MST1R: variants seen among roughly 807,000 people sequenced by gnomAD.
MST1R encodes the protein macrophage-stimulating protein receptor.
A neutral mutation model predicts 117.8 loss-of-function variants in MST1R; 99 were observed. That is an observed-to-expected ratio of 0.84 (90% CI 0.71 to 0.99). The LOEUF is 0.99. Ranked by LOEUF, MST1R falls within the 50% of genes least tolerant of loss-of-function variation. MST1R has a pLI of 0.00. For missense variants in MST1R, 1,683 were observed against 1,840.2 expected, an observed-to-expected ratio of 0.91 and a Z score of 1.56; for synonymous variants, 734 against 765.3, an observed-to-expected ratio of 0.96 and a Z score of 0.68.
intron 17 of MST1R, 145 bp from the exon 18 acceptor site, chr3:49,890,795 C>G (rs548770595): frequency 1.3e-6 from 1 of 764,804 alleles, no homozygotes; most frequent in Non-Finnish European, 2.0e-6. Flanking sequence ...GCGCGATCTC[C>G]GCTCACTGCA....
At chr3:49,888,619 T>A (rs1041524597) in intron 19 of MST1R, among the ~76,000 whole-genome samples, 7 of 139,468 alleles carry the variant, frequency 5.0e-5, no homozygotes, top group Admixed American at 2.1e-4. Context: ...AAAAAAAAAA[T>A]TCTGAAGCAA....
At chr3:49,890,341 T>C in intron 18 of MST1R, 144 bp downstream of exon 18, 2 of 948,254 alleles carry the variant, frequency 2.1e-6, no homozygotes, top group Non-Finnish European at 3.1e-6. Flanking sequence ...CCATCTTACA[T>C]CTGCCCAAGA....
At chr3:49,888,618 A>AG (rs11376830) in intron 19 of MST1R, among the ~76,000 whole-genome samples, 1 of 151,356 alleles carries the variant, frequency 6.6e-6, no homozygotes, top group Non-Finnish European at 1.5e-5. Context: ...AAAAAAAAAA[A>AG]TTCTGAAGCA....
intron 19 of MST1R, among the ~76,000 whole-genome samples, chr3:49,888,041 C>A (rs947003421): frequency 6.6e-6 from 1 of 152,238 alleles, no homozygotes; most frequent in Non-Finnish European, 1.5e-5. Context: ...TGCCTGTAAT[C>A]CCAGCACTTT....
rs1553626160 is a variant in MST1R at position 49,897,388 on chromosome 3, A to G, written c.2075T>C (p.Leu692Pro). The stretch of plus-strand genomic sequence containing the variant: ...GGTGCCTCCTGCCCGTGGGCCAAAG[A>G]GGGGTTGCACTGCTATCAGCACTGG... Reference protein sequence around the residue: ...MEPVLIAVQPLFGPRAGGTCL... With the variant: ...MEPVLIAVQPPFGPRAGGTCL... The change falls in exon 7 of 20, where the codon CTC becomes CCC. Residue 692 changes from leucine to proline, a missense_variant. By Grantham distance (98) the Leu-to-Pro change is moderately conservative. Coordinates refer to ENST00000296474, the MANE Select transcript of MST1R (RefSeq NM_002447.4). 2.5e-6 allele frequency: 4 copies of G among 1,613,794 alleles called. No individual in the cohort carries two copies. In the South Asian group the frequency reaches 4.4e-5, roughly 18 times the overall value.
At chr3:49,894,422 C>T (rs919075372) in intron 14 of MST1R, among the ~76,000 whole-genome samples, 2 of 151,806 alleles carry the variant, frequency 1.3e-5, no homozygotes, top group Non-Finnish European at 2.9e-5. Flanking sequence ...AAAAAATTAG[C>T]CAGGCATGGT....
chr3:49,900,215 C>T (rs990747383), intron 1 of MST1R, among the ~76,000 whole-genome samples: 10 of 152,212 alleles, frequency 6.6e-5, no homozygotes, highest in African/African-American at 2.2e-4. Context: ...AACCAAACCC[C>T]TACAGCCTGG....
At position 49,898,896 on chromosome 3, in the gene MST1R, C is replaced by T; in HGVS notation, c.1519G>A (p.Asp507Asn). 5.6e-6 allele frequency: 9 copies of T among 1,614,132 alleles called. No individual in the cohort carries two copies. The highest frequency in any genetic ancestry group is 7.6e-6 in the Non-Finnish European group (9 of 1,180,034). Reference sequence around the variant, plus strand: ...TCCCCAGAGGCAAAGAGTAGGTGGTCCCCAAGACGACTGACATCCCGCTGC... The same window carrying T: ...TCCCCAGAGGCAAAGAGTAGGTGGTTCCCAAGACGACTGACATCCCGCTGC... Reference protein sequence around the residue: ...PVQRDVSRLGDHLLFASGDQV... With the variant: ...PVQRDVSRLGNHLLFASGDQV... Residue 507 changes from aspartate (D) to asparagine (N), a missense_variant, in exon 3 of 20, where the codon GAC (aspartate) becomes AAC (asparagine). By Grantham distance (23) the Asp-to-Asn change is conservative. Transcript: ENST00000296474.
chr3:49,902,282 C>A (rs1279544413), intron 1 of MST1R, 98 bp downstream of exon 1: 8 of 1,474,926 alleles, frequency 5.4e-6, no homozygotes, highest in Non-Finnish European at 7.3e-6. Flanking sequence ...CCTGCCCCCC[C>A]ACCGCGCCCC....
intron 12 of MST1R, 47 bp downstream of exon 12, chr3:49,895,668 A>AT (rs1304495486): frequency 1.2e-6 from 2 of 1,612,688 alleles, no homozygotes; most frequent in Non-Finnish European, 1.7e-6. Context: ...TGAAGATGCC[A>AT]TTGGTTGGGG....
rs1414519759 is a variant in MST1R, at chr3:49,890,005, C to T, written c.3866G>A (p.Arg1289His). 5 of 1,613,744 alleles carry T rather than the reference C, an allele frequency of 3.1e-6. No individual in the cohort carries two copies. The highest frequency in any genetic ancestry group is 1.7e-4 in the Middle Eastern group (1 of 6,058). ...ELLTRGAPPY[R>H]HIDPFDLTHF... ...GGTAAGGTCAAAAGGGTCAATGTGG[C>T]GGTATGGTGGGGCACCCCGTGTCAG... Residue 1289 changes from arginine to histidine, a missense_variant, in exon 19 of 20, where the codon CGC becomes CAC. Transcript: ENST00000296474.
In MST1R at chr3:49,903,481, C is replaced by T; in HGVS notation, c.129G>A (p.Lys43=). The T allele has an allele frequency of 6.2e-7, 1 of 1,612,826 alleles. No individual in the cohort carries two copies. Among genetic ancestry groups the T allele is most frequent in the Non-Finnish European group, 8.5e-7 (1 of 1,179,980 alleles). Reference sequence around the variant, plus strand: ...CGGCGGAGAAGCTGGGCACCACGTACTTCACGTCAAAGTCGCGAGAGGCCG... The same window carrying T: ...CGGCGGAGAAGCTGGGCACCACGTATTTCACGTCAAAGTCGCGAGAGGCCG... ...PYAASRDFDV[K]YVVPSFSAGG... The change falls in exon 1 of 20, where the codon AAG becomes AAA. Residue 43 remains lysine (K), a synonymous_variant. Coordinates refer to ENST00000296474, the MANE Select transcript of MST1R (RefSeq NM_002447.4).
chr3:49,899,225 G>A lies in MST1R; in HGVS notation c.1269C>T (p.Arg423=), dbSNP rs1281900066. 6.2e-7 allele frequency: 1 copy of A among 1,614,208 alleles called. No homozygotes were observed. Among genetic ancestry groups the A allele is most frequent in the Non-Finnish European group, 8.5e-7 (1 of 1,180,036 alleles). The part of the protein sequence containing the change: ...LEALSPNTSC[R]HFPLLVSSSF... The stretch of plus-strand genomic sequence containing the variant: ...TGCTACTGACCAGCAGAGGGAAGTG[G>A]CGGCAGCTGGTGTTGGGGCTGAGGG... Residue 423 remains arginine (R), a synonymous_variant, in exon 2 of 20, where the codon CGC becomes CGT. Transcript: ENST00000296474.
At chr3:49,887,687 G>T in intron 19 of MST1R, 125 bp from the exon 20 acceptor site, 1 of 1,006,560 alleles carries the variant, frequency 9.9e-7, no homozygotes, top group Non-Finnish European at 1.5e-6. Context: ...CTAGTACCTA[G>T]CACTACCCAA....
chr3:49,890,123 C>T (rs913279901), intron 18 of MST1R, 63 bp from the exon 19 acceptor site: 3 of 1,532,718 alleles, frequency 2.0e-6, no homozygotes, highest in Non-Finnish European at 1.8e-6. Flanking sequence ...GTGGGTCCCC[C>T]AGGGCTTCTA....
chr3:49,887,084 A>C lies in MST1R; in HGVS notation c.*223T>G. On this transcript the variant is annotated 3_prime_UTR_variant, in exon 20 of 20. Coordinates refer to ENST00000296474, the MANE Select transcript of MST1R (RefSeq NM_002447.4). ...TCACTGCTGAGTCCACTGTGCCCAG[A>C]AGACAGGGTCCACAGCAGGCACTCC... The C allele has an allele frequency of 1.6e-6, 1 of 618,514 alleles. No homozygotes were observed. Among genetic ancestry groups the C allele is most frequent in the Admixed American group, 3.0e-5 (1 of 33,584 alleles). The allele number at this position is 618,514 out of a possible 1,614,324, so 38.3% of individuals were successfully genotyped here. A position where few individuals can be genotyped will look rare whatever the true frequency, so the allele number is the denominator to read the frequency against.
At position 49,897,341 on chromosome 3, in the gene MST1R, T is replaced by G. The variant is rs1436466026; in HGVS notation, c.2122A>C (p.Ser708Arg). The G allele has an allele frequency of 6.2e-7, 1 of 1,613,712 alleles. No homozygotes were observed. The highest frequency in any genetic ancestry group is 8.5e-7 in the Non-Finnish European group (1 of 1,179,972). The change falls in exon 7 of 20, where the codon AGT becomes CGT. Residue 708 changes from serine (S) to arginine (R), a missense_variant. Transcript: ENST00000296474. ...GGTCLTLEGQ[S>R]LSVGTSRAVL... ...GCCCGGCTGGTGCCTACAGACAGAC[T>G]CTGGCCTTCAAGAGTGAGACAGGTG...
At chr3:49,889,359 C>T (rs966796580) in intron 19 of MST1R, among the ~76,000 whole-genome samples, 13 of 152,162 alleles carry the variant, frequency 8.5e-5, no homozygotes, top group Non-Finnish European at 1.5e-4. Flanking sequence ...AGACAGGAGG[C>T]GTTAACTACT....
rs901010429 is a variant in MST1R at position 49,890,207 on chromosome 3, G to T, written c.3811-147C>A. On this transcript the variant is annotated intron_variant, in intron 18 of 19. Transcript: ENST00000296474. ...GAGCTCATTCCTCAATACATCACCT[G>T]TGTCTTTCCTCTGTCTCCTCCCACT... 12 of 1,078,014 alleles carry T rather than the reference G, an allele frequency of 1.1e-5. No homozygotes were observed. In the Admixed American group the frequency reaches 3.5e-4, roughly 32 times the overall value. 66.8% of individuals were successfully genotyped at this position (1,078,014 alleles called of 1,614,324 possible).
Sources: gnomAD v4.1 joint callset for allele counts (sites outside exome capture counted in the v4.1 genomes callset) on GRCh38, gnomAD v4.1.1 for gene constraint, MANE v1.5 for transcripts, NCBI Gene and HGNC (gene_info 2026-07-23, HGNC 2026-07-21) for gene names.